THADA: variants seen among roughly 807,000 people sequenced by gnomAD.
THADA encodes THADA armadillo repeat containing, also known as tRNA (32-2'-O)-methyltransferase regulator THADA.
In THADA, 213 loss-of-function variants were observed where a neutral mutation model predicts 219.8. That is an observed-to-expected ratio of 0.97 (90% CI 0.87 to 1.09). The LOEUF (loss-of-function observed/expected upper bound fraction) is 1.09, where lower values mean the gene tolerates loss of function less well. THADA is among the 50% of genes least tolerant of loss of function. THADA has a pLI of 0.00. For missense variants in THADA, 2,956 were observed against 2,311.3 expected (o/e 1.28, Z -5.72); for synonymous variants, 1,018 against 828.9 (o/e 1.23, Z -3.92).
intron 31 of THADA, among the ~76,000 whole-genome samples, chr2:43,296,986 CTGCCT>C (rs1675483386): frequency 9.8e-6 from 1 of 101,840 alleles, no homozygotes. Context: ...AGGAGTGTCT[CTGCCT>C]GGCCGCCCAT....
intron 36 of THADA, among the ~76,000 whole-genome samples, chr2:43,254,162 C>T (rs557832587): frequency 4.6e-4 from 70 of 152,004 alleles, no homozygotes; most frequent in African/African-American, 1.6e-3. Context: ...TAGGCCTGGA[C>T]CCCAACTAGA....
intron 22 of THADA, among the ~76,000 whole-genome samples, chr2:43,519,420 T>C (rs1366740947): frequency 6.6e-6 from 1 of 152,134 alleles, no homozygotes; most frequent in Non-Finnish European, 1.5e-5. Flanking sequence ...AAAATAAAAA[T>C]GCTTTGAAAA....
intron 26 of THADA, among the ~76,000 whole-genome samples, chr2:43,434,968 C>T (rs1558756706): frequency 6.6e-6 from 1 of 152,136 alleles, no homozygotes; most frequent in Non-Finnish European, 1.5e-5. Flanking sequence ...GAGTGGGAGC[C>T]CCACAGCCTG....
chr2:43,540,665 G>C (rs998051390), intron 21 of THADA, among the ~76,000 whole-genome samples: 1 of 152,098 alleles, frequency 6.6e-6, no homozygotes, highest in African/African-American at 2.4e-5. Context: ...CCGCACTCAA[G>C]TCACTTGAAC....
rs868215645 is a variant in THADA at position 43,344,366 on chromosome 2, G to A, written c.4228-129C>T. The A allele has an allele frequency of 1.9e-5, 12 of 624,416 alleles. No individual in the cohort carries two copies. In the Middle Eastern group the frequency reaches 1.3e-3, roughly 70 times the overall value. 38.7% of individuals were successfully genotyped at this position (624,416 alleles called of 1,614,324 possible). On this transcript the variant is annotated intron_variant, in intron 29 of 37. Coordinates refer to ENST00000405975, the MANE Select transcript of THADA (RefSeq NM_022065.5). ...CAGACACCTGCAGAATGTAGCTCTG[G>A]TCTCTTTGCAGAAAGGCATGTTGGT...
intron 29 of THADA, among the ~76,000 whole-genome samples, chr2:43,348,285 C>T (rs936316538): frequency 5.3e-5 from 8 of 152,280 alleles, no homozygotes; most frequent in African/African-American, 1.9e-4. Flanking sequence ...ATGAGAACTG[C>T]ACTCTCTAGA....
At chr2:43,327,584 C>G (rs1194830591) in intron 30 of THADA, among the ~76,000 whole-genome samples, 1 of 152,140 alleles carries the variant, frequency 6.6e-6, no homozygotes, top group African/African-American at 2.4e-5. Flanking sequence ...TGACACATAT[C>G]TACCCGCCTC....
At chr2:43,443,745 T>A (rs1681152935) in intron 26 of THADA, among the ~76,000 whole-genome samples, 2 of 152,334 alleles carry the variant, frequency 1.3e-5, no homozygotes, top group Admixed American at 1.3e-4. Flanking sequence ...AATTCAGAAC[T>A]GTCAGACTAT....
chr2:43,246,675 T>A (rs1669190439), intron 36 of THADA, among the ~76,000 whole-genome samples: 1 of 152,194 alleles, frequency 6.6e-6, no homozygotes, highest in African/African-American at 2.4e-5. Context: ...GATTTTAAGA[T>A]TTATAAACAG....
intron 31 of THADA, among the ~76,000 whole-genome samples, chr2:43,307,919 G>A (rs1174123267): frequency 3.3e-5 from 5 of 152,076 alleles, no homozygotes; most frequent in Admixed American, 1.3e-4. Flanking sequence ...AAACAGTTAC[G>A]TACACCTGCT....
intron 31 of THADA, among the ~76,000 whole-genome samples, chr2:43,296,362 G>A (rs967976495): frequency 7.9e-5 from 12 of 151,428 alleles, no homozygotes; most frequent in South Asian, 2.1e-4. Flanking sequence ...TGCAACCTTC[G>A]CCTCCCCGGT....
At chr2:43,559,138 G>A (rs945574503) in intron 16 of THADA, among the ~76,000 whole-genome samples, 1 of 152,124 alleles carries the variant, frequency 6.6e-6, no homozygotes, top group Non-Finnish European at 1.5e-5. Flanking sequence ...GGTGAGGAGT[G>A]GCAGACAGAG....
At chr2:43,335,455 T>A (rs1666308195) in intron 30 of THADA, among the ~76,000 whole-genome samples, 1 of 152,338 alleles carries the variant, frequency 6.6e-6, no homozygotes, top group Non-Finnish European at 1.5e-5. Context: ...AGACTCTTAA[T>A]ACAATAAACT....
intron 22 of THADA, among the ~76,000 whole-genome samples, chr2:43,524,650 T>C (rs746713250): frequency 6.6e-6 from 1 of 152,208 alleles, no homozygotes; most frequent in Non-Finnish European, 1.5e-5. Flanking sequence ...CCACACACAC[T>C]GTAAAGATGT....
intron 30 of THADA, among the ~76,000 whole-genome samples, chr2:43,326,608 G>A (rs1679366623): frequency 6.6e-6 from 1 of 152,194 alleles, no homozygotes. Flanking sequence ...CTGTTACAAT[G>A]ATGTGAACTG....
chr2:43,430,316 A>T lies in THADA; in HGVS notation c.3837-14T>A. The stretch of plus-strand genomic sequence containing the variant: ...CTCCCTGTCATTCTGTGAAAGAAGG[A>T]GGAAAAAATTTATTATCATTTATTC... On this transcript the variant is annotated splice_polypyrimidine_tract_variant and intron_variant, in intron 26 of 37. Transcript: ENST00000405975. The T allele has an allele frequency of 6.8e-7, 1 of 1,469,884 alleles. No individual in the cohort carries two copies. Among genetic ancestry groups the T allele is most frequent in the Non-Finnish European group, 9.2e-7 (1 of 1,086,852 alleles). 91.1% of individuals were successfully genotyped at this position (1,469,884 alleles called of 1,614,324 possible). A position where few individuals can be genotyped will look rare whatever the true frequency, so the allele number is the denominator to read the frequency against.
intron 30 of THADA, among the ~76,000 whole-genome samples, chr2:43,341,552 TCTCATCCAA>T (rs1667063072): frequency 6.6e-6 from 1 of 152,102 alleles, no homozygotes; most frequent in Non-Finnish European, 1.5e-5. Flanking sequence ...ATCTCCTCCA[TCTCATCCAA>T]CAAGAGGTAA....
chr2:43,478,419 G>A (rs890835219), intron 26 of THADA, among the ~76,000 whole-genome samples: 2 of 152,112 alleles, frequency 1.3e-5, no homozygotes, highest in African/African-American at 4.8e-5. Flanking sequence ...TATTGAAGGG[G>A]CAAGAAATAC....
chr2:43,561,661 C>T lies in THADA; in HGVS notation c.2312-1276G>A, dbSNP rs538871904. On this transcript the variant is annotated intron_variant, in intron 15 of 37. Coordinates refer to ENST00000405975, the MANE Select transcript of THADA (RefSeq NM_022065.5). ...AACAACCCTATGAAATTCCTAGAGC[C>T]GACACCTGAGGTTTTTGTTACTTCC... Among the ~76,000 whole-genome samples, 4 of 152,288 alleles carry T rather than the reference C, an allele frequency of 2.6e-5. No homozygotes were observed. The East Asian group carries it at 7.7e-4, about 29-fold the overall frequency.
Sources: gnomAD v4.1 joint callset for allele counts (sites outside exome capture counted in the v4.1 genomes callset) on GRCh38, gnomAD v4.1.1 for gene constraint, MANE v1.5 for transcripts, NCBI Gene and HGNC (gene_info 2026-07-23, HGNC 2026-07-21) for gene names.